The following ZNF577 variants were observed in gnomAD, a reference collection of about 807,000 sequenced individuals.
ZNF577 encodes zinc finger protein 577.
In ZNF577, 14 loss-of-function variants were observed where a neutral mutation model predicts 13.9. The ratio of observed to expected loss-of-function variants is 1.00; its 90% confidence interval spans 0.66 to 1.57. The LOEUF is 1.57. Among genes scored for constraint, ZNF577 ranks in the 40% most tolerant of loss-of-function variants. The pLI is 0.00. For missense variants in ZNF577, 555 were observed against 579.2 expected (o/e 0.96, Z 0.43); for synonymous variants, 203 against 202.9 (o/e 1.00, Z 0.00).
At chr19:51,822,536 G>A (rs1298709875) in intron 9 of ZNF577, among the ~76,000 whole-genome samples, 1 of 152,144 alleles carries the variant, frequency 6.6e-6, no homozygotes, top group African/African-American at 2.4e-5. Context: ...TTTGTCTACT[G>A]TTTCCTACTT....
At chr19:51,837,753 T>C (rs1213590706) in intron 9 of ZNF577, among the ~76,000 whole-genome samples, 2 of 152,148 alleles carry the variant, frequency 1.3e-5, no homozygotes, top group African/African-American at 4.8e-5. Flanking sequence ...AAAAAAACTT[T>C]GGAGTCAATA....
At chr19:51,847,592 A>C (rs908809377) in intron 5 of ZNF577, among the ~76,000 whole-genome samples, 16 of 152,070 alleles carry the variant, frequency 1.1e-4, no homozygotes, top group African/African-American at 3.6e-4. Context: ...TGAGGAGAGG[A>C]TATTTCACGA....
intron 10 of ZNF577, among the ~76,000 whole-genome samples, chr19:51,807,949 A>C (rs1171619482): frequency 1.3e-5 from 2 of 152,230 alleles, no homozygotes; most frequent in African/African-American, 4.8e-5. Context: ...GATAGAAAGA[A>C]CCATTCTATT....
chr19:51,851,775 A>T (rs1373944032), intron 5 of ZNF577, among the ~76,000 whole-genome samples: 1 of 152,198 alleles, frequency 6.6e-6, no homozygotes, highest in Non-Finnish European at 1.5e-5. Context: ...TCCCAATGCC[A>T]AGATCTGGAG....
rs1568446237 is a variant in ZNF577 at position 51,870,053 on chromosome 19, CAT to C, written c.*2477_*2478del. On this transcript the variant is annotated 3_prime_UTR_variant, in exon 6 of 6. Coordinates refer to ENST00000638348, the MANE Select transcript of ZNF577 (RefSeq NM_001370449.1). ...TCTGGTCCCTCCCTGGGAGGATTAA[CAT>C]CCTAGGGGCATTGGGTCCAGTGCGT... Among the ~76,000 whole-genome samples the C allele has an allele frequency of 6.6e-6, 1 of 152,250 alleles. No homozygotes were observed. The highest frequency in any genetic ancestry group is 2.4e-5 in the African/African-American group (1 of 41,468).
chr19:51,887,758 C>G lies in ZNF577; in HGVS notation c.-1156G>C, dbSNP rs1313616167. The G allele has an allele frequency of 1.3e-5, 2 of 152,086 alleles. No individual in the cohort carries two copies. The highest frequency in any genetic ancestry group is 4.8e-5 in the African/African-American group (2 of 41,388). The allele number at this position is 152,086 out of a possible 1,614,324, so 9.4% of individuals were successfully genotyped here. A position where few individuals can be genotyped will look rare whatever the true frequency, so the allele number is the denominator to read the frequency against. On this transcript the variant is annotated 5_prime_UTR_variant, in exon 1 of 6. Coordinates refer to ENST00000638348, the MANE Select transcript of ZNF577 (RefSeq NM_001370449.1). Reference sequence around the variant, plus strand: ...AGAGCTCCCCGCAACACGGACCTCACGCGCTAGCGAACAACAGAAAAAAAA... The same window carrying G: ...AGAGCTCCCCGCAACACGGACCTCAGGCGCTAGCGAACAACAGAAAAAAAA...
intron 9 of ZNF577, among the ~76,000 whole-genome samples, chr19:51,836,336 A>C (rs540271385): frequency 6.7e-6 from 1 of 149,222 alleles, no homozygotes; most frequent in South Asian, 2.2e-4. Context: ...AAACAGTGTG[A>C]AATCATCATA....
At position 51,867,379 on chromosome 19, in the gene ZNF577, A is replaced by G. The variant is rs1172233205; in HGVS notation, c.*5153T>C. Reference sequence around the variant, plus strand: ...TCTGATTCTGAACATCGGACAAAAGATCTCTTTTCAAGAGAAAAGAAGACA... The same window carrying G: ...TCTGATTCTGAACATCGGACAAAAGGTCTCTTTTCAAGAGAAAAGAAGACA... On this transcript the variant is annotated 3_prime_UTR_variant, in exon 6 of 6. Coordinates refer to ENST00000638348, the MANE Select transcript of ZNF577 (RefSeq NM_001370449.1). Among the ~76,000 whole-genome samples, 3 of 152,142 alleles carry G rather than the reference A, an allele frequency of 2.0e-5. No individual in the cohort carries two copies. Among genetic ancestry groups the G allele is most frequent in the Admixed American group, 2.0e-4 (3 of 15,260 alleles).
At chr19:51,845,771 A>C (rs983350117) in intron 5 of ZNF577, among the ~76,000 whole-genome samples, 2 of 152,182 alleles carry the variant, frequency 1.3e-5, no homozygotes, top group Admixed American at 6.5e-5. Flanking sequence ...ATGTATTCCA[A>C]GTTCATCTAT....
exon 7 of ZNF577, chr19:51,843,192 G>C (rs35771860): frequency 6.6e-6 from 1 of 152,590 alleles, no homozygotes; most frequent in Non-Finnish European, 1.5e-5. Flanking sequence ...TCTTTACCCA[G>C]TGACACTAGG....
rs771391119 is a variant in ZNF577 at position 51,880,319 on chromosome 19, T to G, written c.60+4A>C. On this transcript the variant is annotated splice_donor_region_variant and intron_variant, in intron 3 of 5. Transcript: ENST00000638348. ...TCAAGCTCTCACAGCAATGACAAAT[T>G]TACCTCCCCTGAAGAACTGCCTTGC... is the stretch of plus-strand genomic sequence containing the variant. 3 of 1,613,940 alleles carry G rather than the reference T, an allele frequency of 1.9e-6. No individual in the cohort carries two copies. Among genetic ancestry groups the G allele is most frequent in the Admixed American group, 3.3e-5 (2 of 60,016 alleles).
In ZNF577 at chr19:51,869,799, C is replaced by T. The variant is rs554048478; in HGVS notation, c.*2733G>A. Among the ~76,000 whole-genome samples the T allele has an allele frequency of 6.6e-6, 1 of 152,262 alleles. No homozygotes were observed. Among genetic ancestry groups the T allele is most frequent in the African/African-American group, 2.4e-5 (1 of 41,546 alleles). On this transcript the variant is annotated 3_prime_UTR_variant, in exon 6 of 6. Transcript: ENST00000638348. The stretch of plus-strand genomic sequence containing the variant: ...CCGCTAACTAGAATAAGTTGTTAGG[C>T]CTCCTAACTGTACTTCCCATAAACC...
chr19:51,815,520 G>A (rs1252281552), intron 9 of ZNF577, among the ~76,000 whole-genome samples: 1 of 150,580 alleles, frequency 6.6e-6, no homozygotes. Context: ...AGTGAGCCAA[G>A]ATCCCGCCAC....
At chr19:51,832,412 G>A (rs2084265387) in intron 9 of ZNF577, among the ~76,000 whole-genome samples, 2 of 149,048 alleles carry the variant, frequency 1.3e-5, no homozygotes, top group Non-Finnish European at 3.0e-5. Context: ...CTAGAGTGCA[G>A]TGGTGCAATC....
chr19:51,855,514 C>T (rs2084410063), intron 5 of ZNF577, among the ~76,000 whole-genome samples: 1 of 152,010 alleles, frequency 6.6e-6, no homozygotes, highest in Non-Finnish European at 1.5e-5. Flanking sequence ...CCTCAGGTAT[C>T]TCATGGGCAT....
At chr19:51,860,079 A>T (rs184132199) in intron 5 of ZNF577, among the ~76,000 whole-genome samples, 7 of 152,304 alleles carry the variant, frequency 4.6e-5, no homozygotes, top group Admixed American at 4.6e-4. Context: ...ATAAAATTAT[A>T]TATACAGGCA....
intron 5 of ZNF577, among the ~76,000 whole-genome samples, chr19:51,850,004 A>G (rs1256277588): frequency 6.6e-6 from 1 of 152,232 alleles, no homozygotes; most frequent in African/African-American, 2.4e-5. Flanking sequence ...CACTATGGAA[A>G]AGACAAAATT....
chr19:51,847,307 T>G (rs542768772), intron 5 of ZNF577, among the ~76,000 whole-genome samples: 40 of 152,316 alleles, frequency 2.6e-4, no homozygotes, highest in Admixed American at 2.6e-3. Flanking sequence ...CCCAAATGTC[T>G]GTACAGCTGA....
chr19:51,864,635 G>C (rs918418777), downstream of ZNF577, among the ~76,000 whole-genome samples: 4 of 152,174 alleles, frequency 2.6e-5, no homozygotes, highest in Non-Finnish European at 5.9e-5. Flanking sequence ...GACTGGATTT[G>C]TGGGATGAGT....
Sources: allele counts gnomAD v4.1 joint callset (sites outside exome capture counted in the v4.1 genomes callset), GRCh38; gene constraint gnomAD v4.1.1; transcripts MANE v1.5; gene names NCBI Gene and HGNC (gene_info 2026-07-23, HGNC 2026-07-21).